NFKB1: variants seen among roughly 807,000 people sequenced by gnomAD.
NFKB1 encodes nuclear factor kappa B subunit 1.
A neutral mutation model predicts 105.1 loss-of-function variants in NFKB1; 9 were observed. The observed-to-expected ratio is 0.09, with a 90% CI of 0.05 to 0.15. The LOEUF is 0.15. NFKB1 is among the 10% of genes least tolerant of loss of function. The probability of loss-of-function intolerance (pLI) is 1.00; values close to 1 mark genes in which losing one functional copy is unlikely to be tolerated. For synonymous variants in NFKB1, 440 were observed against 442.2 expected (o/e 1.00, Z 0.06); for missense variants, 830 against 1,203.7 (o/e 0.69, Z 4.59).
At chr4:102,582,674 C>T (rs190060354) in intron 9 of NFKB1, among the ~76,000 whole-genome samples, 192 bp from the exon 10 acceptor site, 16 of 151,752 alleles carry the variant, frequency 1.1e-4, no homozygotes, top group Admixed American at 8.5e-4. Flanking sequence ...AAAGTTGGGG[C>T]GCATTACTGT....
At chr4:102,591,552 C>T (rs1020635688) in intron 11 of NFKB1, among the ~76,000 whole-genome samples, 1 of 152,104 alleles carries the variant, frequency 6.6e-6, no homozygotes, top group Non-Finnish European at 1.5e-5. Flanking sequence ...TCTTCTCTGC[C>T]TTTGCTCTGT....
chr4:102,544,315 A>C (rs1721962880), intron 5 of NFKB1, among the ~76,000 whole-genome samples: 1 of 152,136 alleles, frequency 6.6e-6, no homozygotes, highest in South Asian at 2.1e-4. Flanking sequence ...TTTTAAATGA[A>C]GTGAAATGCT....
At chr4:102,588,060 C>G (rs1328360960) in intron 11 of NFKB1, among the ~76,000 whole-genome samples, 1 of 152,102 alleles carries the variant, frequency 6.6e-6, no homozygotes, top group Admixed American at 6.6e-5. Context: ...CCTGTCTTAT[C>G]TATTTATTTA....
chr4:102,540,694 C>G (rs1245509468), intron 5 of NFKB1, among the ~76,000 whole-genome samples: 2 of 152,088 alleles, frequency 1.3e-5, no homozygotes, highest in African/African-American at 4.8e-5. Context: ...TCTGCTGTTC[C>G]TAACAGTTAT....
At chr4:102,538,639 T>C (rs1251195963) in intron 5 of NFKB1, among the ~76,000 whole-genome samples, 1 of 152,206 alleles carries the variant, frequency 6.6e-6, no homozygotes, top group East Asian at 1.9e-4. Context: ...GCTGTTTGTT[T>C]ATTTGAGAAT....
At chr4:102,615,536 C>T (rs1468064312) in intron 23 of NFKB1, among the ~76,000 whole-genome samples, 2 of 152,220 alleles carry the variant, frequency 1.3e-5, no homozygotes, top group Non-Finnish European at 2.9e-5. Context: ...CAACCCAGAT[C>T]TCCTGAGTCA....
chr4:102,565,046 C>T (rs1479353958), intron 5 of NFKB1, among the ~76,000 whole-genome samples: 1 of 152,036 alleles, frequency 6.6e-6, no homozygotes, highest in Admixed American at 6.6e-5. Flanking sequence ...GGAGAAAACC[C>T]AGAACTTCTC....
intron 1 of NFKB1, among the ~76,000 whole-genome samples, chr4:102,525,046 G>A (rs4647982): frequency 2.8e-4 from 43 of 152,186 alleles, no homozygotes; most frequent in Non-Finnish European, 5.6e-4. Context: ...GTACTGATCA[G>A]TCCCTTTTGA....
chr4:102,605,579 G>C (rs1368209147), intron 16 of NFKB1, among the ~76,000 whole-genome samples: 1 of 152,208 alleles, frequency 6.6e-6, no homozygotes, highest in Non-Finnish European at 1.5e-5. Context: ...GTTTGTGATT[G>C]TATTTGTCTT....
At chr4:102,542,470 A>AGGG (rs151101736) in intron 5 of NFKB1, among the ~76,000 whole-genome samples, 3,123 of 152,230 alleles carry the variant, frequency 0.021, 52 homozygotes, top group Non-Finnish European at 0.031. Flanking sequence ...AATAGGTATT[A>AGGG]GCATCTTACC....
chr4:102,608,893 C>CT (rs2149224546), intron 19 of NFKB1, among the ~76,000 whole-genome samples: 1 of 152,184 alleles, frequency 6.6e-6, no homozygotes, highest in South Asian at 2.1e-4. Context: ...TGGCTCACAC[C>CT]TGTAAACTCA....
chr4:102,521,487 C>G (rs1740569834), intron 1 of NFKB1, among the ~76,000 whole-genome samples: 1 of 152,286 alleles, frequency 6.6e-6, no homozygotes, highest in South Asian at 2.1e-4. Flanking sequence ...CAACTGTACT[C>G]TCTGGATGGC....
intron 1 of NFKB1, among the ~76,000 whole-genome samples, chr4:102,524,234 G>A (rs1476752508): frequency 1.3e-5 from 2 of 152,048 alleles, no homozygotes; most frequent in African/African-American, 4.8e-5. Flanking sequence ...ATCTTTATCT[G>A]ACCATGTGGT....
chr4:102,559,751 G>A lies in NFKB1; in HGVS notation c.259-7236G>A, dbSNP rs1203279762. Among the ~76,000 whole-genome samples the A allele has an allele frequency of 4.6e-5, 7 of 151,620 alleles. 1 individual carries two copies. The South Asian group carries it at 6.2e-4, about 14-fold the overall frequency. On this transcript the variant is annotated intron_variant, in intron 5 of 23. Coordinates refer to ENST00000226574, the MANE Select transcript of NFKB1 (RefSeq NM_003998.4). The stretch of plus-strand genomic sequence containing the variant: ...GAGGCCATGAGTTCAAGGCCAGCCC[G>A]GGCAACATAGTGAGACTCTGTCTAT...
chr4:102,510,846 A>G, intron 1 of NFKB1: 1 of 801,800 alleles, frequency 1.2e-6, no homozygotes, highest in South Asian at 2.3e-5. Flanking sequence ...AGGTGGTGGT[A>G]GTATGAGCTG....
chr4:102,513,550 C>A (rs1188950887), intron 1 of NFKB1, among the ~76,000 whole-genome samples: 1 of 152,128 alleles, frequency 6.6e-6, no homozygotes, highest in South Asian at 2.1e-4. Context: ...ATTCTAATCA[C>A]TTCTCTAAGA....
chr4:102,600,924 A>T lies in NFKB1; in HGVS notation c.1667A>T (p.His556Leu). The change falls in exon 16 of 24, where the codon CAT (histidine) becomes CTT (leucine). Residue 556 changes from histidine (H) to leucine (L), a missense_variant. His to Leu is a moderately conservative substitution (Grantham distance 99, BLOSUM62 -3). Coordinates refer to ENST00000226574, the MANE Select transcript of NFKB1 (RefSeq NM_003998.4). ...TTACACTTAGCAATCATCCACCTTCATTCTCAACTTGTGAGGGATCTACTA... is the reference window on the plus strand; with the variant it reads ...TTACACTTAGCAATCATCCACCTTCTTTCTCAACTTGTGAGGGATCTACTA... ...SVLHLAIIHL[H>L]SQLVRDLLEV... The T allele has an allele frequency of 6.2e-7, 1 of 1,610,078 alleles. No individual in the cohort carries two copies. Among genetic ancestry groups the T allele is most frequent in the African/African-American group, 1.3e-5 (1 of 74,916 alleles).
chr4:102,525,364 C>G (rs1297238719), intron 1 of NFKB1, 148 bp from the exon 2 acceptor site: 1 of 633,408 alleles, frequency 1.6e-6, no homozygotes, highest in Non-Finnish European at 2.7e-6. Flanking sequence ...GGAACTACAT[C>G]ATGTCCTCCT....
In NFKB1 at chr4:102,582,858, G is replaced by A. The variant is rs1351182446; in HGVS notation, c.836-8G>A. On this transcript the variant is annotated splice_region_variant and splice_polypyrimidine_tract_variant and intron_variant, in intron 9 of 23. Coordinates refer to ENST00000226574, the MANE Select transcript of NFKB1 (RefSeq NM_003998.4). ...TGAAATTACACACTTCAATGTGATT[G>A]TTTGCAGATGACATCCAGATTCGAT... 5.0e-6 allele frequency: 8 copies of A among 1,591,944 alleles called. No homozygotes were observed. The highest frequency in any genetic ancestry group is 6.9e-6 in the Non-Finnish European group (8 of 1,160,676).
Sources: allele counts gnomAD v4.1 joint callset (sites outside exome capture counted in the v4.1 genomes callset), GRCh38; gene constraint gnomAD v4.1.1; transcripts MANE v1.5; gene names NCBI Gene and HGNC (gene_info 2026-07-23, HGNC 2026-07-21).